The following ARMC2 variants were observed in gnomAD, a reference collection of about 807,000 sequenced individuals.
ARMC2 encodes armadillo repeat containing 2.
Under a neutral mutation model 90.3 loss-of-function variants are expected in ARMC2, and 67 were observed. The observed-to-expected ratio is 0.74, with a 90% confidence interval of 0.61 to 0.91. ARMC2 has a LOEUF of 0.91. ARMC2 is among the 40% of genes least tolerant of loss of function. ARMC2 has a pLI of 0.00. For missense variants in ARMC2, 920 were observed against 1,030.9 expected (o/e 0.89, Z 1.47); for synonymous variants, 393 against 393.0 (o/e 1.00, Z 0.00).
intron 5 of ARMC2, among the ~76,000 whole-genome samples, chr6:108,889,565 A>C (rs1452333250): frequency 6.6e-6 from 1 of 151,818 alleles, no homozygotes; most frequent in Non-Finnish European, 1.5e-5. Context: ...CTCAGCCTCC[A>C]AAGTGGCCGG....
rs182494456 is a variant in ARMC2, at chr6:108,952,969, C to T, written c.1597-64C>T. ...CAATTGTGAATAAATTAAATACTAT[C>T]TTCTTCCCCACGATGTGTTCCAGCC... On this transcript the variant is annotated intron_variant, in intron 12 of 17. Coordinates refer to ENST00000392644, the MANE Select transcript of ARMC2 (RefSeq NM_032131.6). 5,539 of 1,400,694 alleles carry T rather than the reference C, an allele frequency of 4.0e-3. 27 individuals carry two copies. The highest frequency in any genetic ancestry group is 4.2e-3 in the Non-Finnish European group (4,313 of 1,029,630). 86.8% of individuals were successfully genotyped at this position (1,400,694 alleles called of 1,614,324 possible).
At chr6:109,052,019 C>T in the ARMC2 span, among the ~76,000 whole-genome samples, 1 of 152,192 alleles carries the variant, frequency 6.6e-6, no homozygotes, top group South Asian at 2.1e-4. Flanking sequence ...CCACAGCAGA[C>T]AACAATGGCT....
chr6:108,869,071 A>G, intron 4 of ARMC2, 76 bp downstream of exon 4: 1 of 1,429,584 alleles, frequency 7.0e-7, no homozygotes, highest in African/African-American at 1.4e-5. Context: ...CTAATTTTAT[A>G]TGATTTTTCC....
Position 108,865,912 on chromosome 6 carries a change from G to A in ARMC2, c.292-2912G>A, listed in dbSNP as rs373663066. ...CATGCTTGTAGTCCCAGCTACTCAG[G>A]AGGCTGAGGCTGGAGAATTGCATGA... On this transcript the variant is annotated intron_variant, in intron 3 of 17. Transcript: ENST00000392644. 3.3e-5 allele frequency among the ~76,000 whole-genome samples: 5 copies of A among 151,862 alleles called. No homozygotes were observed. The East Asian group carries it at 9.7e-4, about 29-fold the overall frequency.
intron 3 of ARMC2, among the ~76,000 whole-genome samples, chr6:108,862,564 C>T (rs892464890): frequency 2.6e-5 from 4 of 152,070 alleles, no homozygotes; most frequent in Admixed American, 1.3e-4. Context: ...TGCTACCTGA[C>T]CTTCCACCTT....
At chr6:108,964,764 T>A (rs763322371) in intron 16 of ARMC2, among the ~76,000 whole-genome samples, 1 of 151,550 alleles carries the variant, frequency 6.6e-6, no homozygotes, top group Non-Finnish European at 1.5e-5. Flanking sequence ...CACTTCAGCC[T>A]GGGCAACAGA....
chr6:108,925,779 T>C (rs1775052771), intron 10 of ARMC2, among the ~76,000 whole-genome samples: 1 of 152,252 alleles, frequency 6.6e-6, no homozygotes, highest in South Asian at 2.1e-4. Flanking sequence ...ATGCATGTTA[T>C]TTCTACCAGC....
the ARMC2 span, chr6:108,994,696 ATCTTTTT>A: frequency 1.6e-6 from 1 of 628,526 alleles, no homozygotes; most frequent in Non-Finnish European, 2.3e-6. Context: ...AAGAATTTAT[ATCTTTTT>A]TTTTTTTTTT....
the ARMC2 span, among the ~76,000 whole-genome samples, chr6:108,991,158 G>A: frequency 2.0e-5 from 3 of 151,882 alleles, no homozygotes; most frequent in Non-Finnish European, 2.9e-5. Context: ...CAGCCCCCCA[G>A]ATGTGACCAG....
At chr6:108,989,325 TTGAG>T in the ARMC2 span, among the ~76,000 whole-genome samples, 2 of 152,120 alleles carry the variant, frequency 1.3e-5, no homozygotes, top group Non-Finnish European at 2.9e-5. Context: ...AAAACAGATT[TTGAG>T]TATTATCGAA....
rs547379801 is a variant in ARMC2, at chr6:108,954,745, C to T, written c.1915+1394C>T. Reference sequence around the variant, plus strand: ...AATCTGTGAACTCCCTGGCCTCCCTCGCCCCCACTAGTCAACTCAAGAGCC... The same window carrying T: ...AATCTGTGAACTCCCTGGCCTCCCTTGCCCCCACTAGTCAACTCAAGAGCC... On this transcript the variant is annotated intron_variant, in intron 13 of 17. Transcript: ENST00000392644. Among the ~76,000 whole-genome samples, 244 of 152,344 alleles carry T rather than the reference C, an allele frequency of 1.6e-3. 1 individual carries two copies. Among genetic ancestry groups the T allele is most frequent in the African/African-American group, 5.7e-3 (236 of 41,564 alleles).
the ARMC2 span, among the ~76,000 whole-genome samples, chr6:109,014,978 G>T: frequency 6.6e-6 from 1 of 152,042 alleles, no homozygotes; most frequent in Non-Finnish European, 1.5e-5. Context: ...TGTATTTTTG[G>T]TTTACTGCTA....
intron 12 of ARMC2, among the ~76,000 whole-genome samples, chr6:108,950,479 T>C (rs1777102946): frequency 6.6e-6 from 1 of 152,162 alleles, no homozygotes; most frequent in South Asian, 2.1e-4. Context: ...TGCAGAAACA[T>C]GGATAGAGCA....
intron 17 of ARMC2, among the ~76,000 whole-genome samples, chr6:108,970,599 G>A (rs1778700485): frequency 7.0e-6 from 1 of 143,456 alleles, no homozygotes; most frequent in Admixed American, 7.4e-5. Flanking sequence ...CTGGGTTCAA[G>A]TGATTCTCCT....
the ARMC2 span, among the ~76,000 whole-genome samples, chr6:109,016,939 T>C: frequency 1.3e-5 from 2 of 152,108 alleles, no homozygotes; most frequent in African/African-American, 2.4e-5. Context: ...TTGGAGAGGG[T>C]AACACTCTTA....
At chr6:109,004,952 T>C in the ARMC2 span, among the ~76,000 whole-genome samples, 3 of 152,090 alleles carry the variant, frequency 2.0e-5, no homozygotes, top group Non-Finnish European at 4.4e-5. Flanking sequence ...TGAGAGTGTT[T>C]TGAAGTATGA....
At chr6:108,886,843 A>C (rs1465553137) in intron 5 of ARMC2, among the ~76,000 whole-genome samples, 1 of 152,008 alleles carries the variant, frequency 6.6e-6, no homozygotes, top group Non-Finnish European at 1.5e-5. Context: ...CATAATAATT[A>C]GAAGAACTGT....
intron 12 of ARMC2, among the ~76,000 whole-genome samples, chr6:108,937,939 G>A (rs576637545): frequency 2.4e-4 from 36 of 152,104 alleles, no homozygotes; most frequent in Non-Finnish European, 4.4e-4. Flanking sequence ...CTCATGATCC[G>A]CCCACCTTGG....
intron 10 of ARMC2, among the ~76,000 whole-genome samples, chr6:108,926,025 G>A (rs1775074606): frequency 6.6e-6 from 1 of 152,112 alleles, no homozygotes; most frequent in Admixed American, 6.6e-5. Context: ...AAAAAATTGA[G>A]ATTGAAACAA....
Sources: allele counts gnomAD v4.1 joint callset (sites outside exome capture counted in the v4.1 genomes callset), GRCh38; gene constraint gnomAD v4.1.1; transcripts MANE v1.5; gene names NCBI Gene and HGNC (gene_info 2026-07-23, HGNC 2026-07-21).